PHKB: variants seen among roughly 807,000 people sequenced by gnomAD.
PHKB encodes the protein phosphorylase kinase regulatory subunit beta.
PHKB carries 122 observed loss-of-function variants against 152.1 expected under a neutral mutation model. The observed-to-expected ratio is 0.80, with a 90% confidence interval of 0.69 to 0.93. PHKB has a LOEUF of 0.93. Ranked by LOEUF, PHKB falls within the 40% of genes least tolerant of loss-of-function variation. The pLI is 0.00. For synonymous variants in PHKB, 436 were observed against 464.9 expected (o/e 0.94, Z 0.80); for missense variants, 1,304 against 1,328.4 (o/e 0.98, Z 0.29).
At chr16:47,530,520 G>T (rs914608024) in intron 6 of PHKB, among the ~76,000 whole-genome samples, 2 of 152,174 alleles carry the variant, frequency 1.3e-5, no homozygotes, top group African/African-American at 4.8e-5. Flanking sequence ...AATAGGTGTG[G>T]ATGGCAATGG....
At chr16:47,675,489 A>G (rs1973711235) in intron 26 of PHKB, 1 of 150,002 alleles carries the variant, frequency 6.7e-6, no homozygotes. Flanking sequence ...CTCCCAACAC[A>G]CACACACACG....
chr16:47,625,337 C>A (rs1359893678), intron 14 of PHKB, among the ~76,000 whole-genome samples: 1 of 152,226 alleles, frequency 6.6e-6, no homozygotes, highest in Non-Finnish European at 1.5e-5. Flanking sequence ...TATATTGAGT[C>A]TTTTCCTTGT....
chr16:47,575,553 A>G (rs1597096974), intron 7 of PHKB, among the ~76,000 whole-genome samples: 1 of 152,238 alleles, frequency 6.6e-6, no homozygotes, highest in Admixed American at 6.5e-5. Flanking sequence ...TTATAGCAAC[A>G]TGGATGACAC....
In PHKB at chr16:47,700,097, T is replaced by C. The variant is rs1974221427; in HGVS notation, c.*731T>C. ...AGCACAGTAGCTCACACCTGAAATC[T>C]TAGCACTTCGGGAGGCTGAGGCAGG... On this transcript the variant is annotated 3_prime_UTR_variant, in exon 31 of 31. Transcript: ENST00000323584. 6.6e-6 allele frequency: 1 copy of C among 152,342 alleles called. No individual in the cohort carries two copies. The highest frequency in any genetic ancestry group is 6.5e-5 in the Admixed American group (1 of 15,282). The allele number at this position is 152,342 out of a possible 1,614,324, so 9.4% of individuals were successfully genotyped here. A position where few individuals can be genotyped will look rare whatever the true frequency, so the allele number is the denominator to read the frequency against.
chr16:47,587,869 C>A, intron 9 of PHKB, 106 bp downstream of exon 9: 2 of 886,212 alleles, frequency 2.3e-6, no homozygotes, highest in Non-Finnish European at 3.6e-6. Flanking sequence ...AGTGATCGTC[C>A]AGAAGGGATA....
intron 6 of PHKB, among the ~76,000 whole-genome samples, chr16:47,530,568 T>C (rs1044183891): frequency 6.6e-6 from 1 of 152,194 alleles, no homozygotes; most frequent in Admixed American, 6.5e-5. Context: ...TGAATTAAAA[T>C]GAATTTCTAG....
intron 1 of PHKB, among the ~76,000 whole-genome samples, chr16:47,482,010 G>T (rs1433502001): frequency 1.3e-5 from 2 of 152,196 alleles, no homozygotes; most frequent in Admixed American, 1.3e-4. Flanking sequence ...GGGGAAGGCA[G>T]TTTCTCTCTT....
At chr16:47,565,698 G>T in intron 7 of PHKB, 1 of 1,415,272 alleles carries the variant, frequency 7.1e-7, no homozygotes, top group Non-Finnish European at 9.9e-7. Context: ...TTGCCAGTTT[G>T]GGTGTCTCTC....
chr16:47,660,071 C>T (rs1220803902), intron 20 of PHKB, among the ~76,000 whole-genome samples: 1 of 152,136 alleles, frequency 6.6e-6, no homozygotes, highest in African/African-American at 2.4e-5. Flanking sequence ...ACCAGGACAG[C>T]CAAGATAGTC....
intron 14 of PHKB, among the ~76,000 whole-genome samples, chr16:47,611,130 G>C (rs1484413676): frequency 6.6e-6 from 1 of 152,196 alleles, no homozygotes; most frequent in Non-Finnish European, 1.5e-5. Flanking sequence ...TGCCTTGCAG[G>C]TAAACATTTC....
At chr16:47,597,949 A>G (rs1227753660) in intron 13 of PHKB, 2 of 151,766 alleles carry the variant, frequency 1.3e-5, no homozygotes, top group East Asian at 3.8e-4. Context: ...TACCAAGTCA[A>G]TTTCTTCAAC....
In PHKB at chr16:47,525,232, G is replaced by A. The variant is rs566716605; in HGVS notation, c.594+9631G>A. 1.2e-4 allele frequency among the ~76,000 whole-genome samples: 18 copies of A among 152,292 alleles called. No homozygotes were observed. The South Asian group carries it at 2.9e-3, about 25-fold the overall frequency. On this transcript the variant is annotated intron_variant, in intron 6 of 30. Transcript: ENST00000323584. ...ACTATTTTAATATTTTGAGCAGGAG[G>A]CAGATACAGTTTAGTTGAGAAAAGA... is the stretch of plus-strand genomic sequence containing the variant.
chr16:47,642,933 A>G (rs186975363), intron 16 of PHKB, among the ~76,000 whole-genome samples: 239 of 152,214 alleles, frequency 1.6e-3, no homozygotes, highest in African/African-American at 5.3e-3. Flanking sequence ...AGGATGCCAA[A>G]ATCTAAGGCT....
chr16:47,645,689 C>T (rs570012889), intron 16 of PHKB, among the ~76,000 whole-genome samples: 30 of 151,704 alleles, frequency 2.0e-4, no homozygotes, highest in Non-Finnish European at 3.8e-4. Context: ...ATTGACTTGG[C>T]GATGCGGGCT....
chr16:47,550,748 G>A (rs1016802204), intron 7 of PHKB, among the ~76,000 whole-genome samples: 2 of 152,188 alleles, frequency 1.3e-5, no homozygotes, highest in Non-Finnish European at 2.9e-5. Context: ...AGTTAGGGAG[G>A]AGTCCCTCTT....
intron 16 of PHKB, among the ~76,000 whole-genome samples, chr16:47,644,003 G>T (rs905496110): frequency 4.6e-5 from 7 of 152,150 alleles, no homozygotes; most frequent in African/African-American, 1.4e-4. Context: ...CATGGGGGCA[G>T]TGTTATATGC....
intron 1 of PHKB, among the ~76,000 whole-genome samples, chr16:47,493,902 A>AATTTGTGACTTC (rs1331761679): frequency 6.6e-6 from 1 of 152,234 alleles, no homozygotes; most frequent in Non-Finnish European, 1.5e-5. Flanking sequence ...AGAAAAATGA[A>AATTTGTGACTTC]AGTCACAAAT....
chr16:47,469,298 A>G (rs929409842), intron 1 of PHKB, among the ~76,000 whole-genome samples: 1 of 152,202 alleles, frequency 6.6e-6, no homozygotes, highest in African/African-American at 2.4e-5. Context: ...TTCAAATACT[A>G]GTATTGAATC....
At chr16:47,516,609 A>G (rs1300569122) in intron 6 of PHKB, among the ~76,000 whole-genome samples, 1 of 152,188 alleles carries the variant, frequency 6.6e-6, no homozygotes, top group African/African-American at 2.4e-5. Context: ...GAGAACAATT[A>G]CATCAGACAC....
Sources: allele counts gnomAD v4.1 joint callset (sites outside exome capture counted in the v4.1 genomes callset), GRCh38; gene constraint gnomAD v4.1.1; transcripts MANE v1.5; gene names NCBI Gene and HGNC (gene_info 2026-07-23, HGNC 2026-07-21).